FBXO24: variants seen among roughly 807,000 people sequenced by gnomAD.
The protein encoded by FBXO24 is F-box only protein 24.
FBXO24 carries 30 observed loss-of-function variants against 63.5 expected under a neutral mutation model. The ratio of observed to expected loss-of-function variants is 0.47; its 90% confidence interval spans 0.35 to 0.64. The LOEUF (loss-of-function observed/expected upper bound fraction) is 0.64. Ranked by LOEUF, FBXO24 falls within the 30% of genes least tolerant of loss-of-function variation. FBXO24 has a pLI of 0.00. For synonymous variants in FBXO24, 300 were observed against 305.0 expected, an observed-to-expected ratio of 0.98 and a Z score of 0.17; for missense variants, 624 against 763.4, an observed-to-expected ratio of 0.82 and a Z score of 2.15.
At position 100,599,979 on chromosome 7, in the gene FBXO24, C is replaced by T. The variant is rs146122350; in HGVS notation, c.1207-52C>T. The T allele has an allele frequency of 1.8e-4, 259 of 1,458,426 alleles. 3 individuals are homozygous for T. In the East Asian group the frequency reaches 3.3e-3, roughly 19 times the overall value. The allele number at this position is 1,458,426 out of a possible 1,614,324, so 90.3% of individuals were successfully genotyped here. Reference sequence around the variant, plus strand: ...CCAGTCAACCTTTTCCCACCCCAGCCCCCCCGTCCCTTGGTGCTCCCTGCT... The same window carrying T: ...CCAGTCAACCTTTTCCCACCCCAGCTCCCCCGTCCCTTGGTGCTCCCTGCT... On this transcript the variant is annotated intron_variant, in intron 8 of 9. Transcript: ENST00000241071.
In FBXO24 at chr7:100,594,308, C is replaced by G. The variant is rs1329061692; in HGVS notation, c.794-75C>G. Reference sequence around the variant, plus strand: ...GCAGTAAATGTGTCACCCATATGGCCTAGGGAGTCTCTTGGGATGTTTATG... The same window carrying G: ...GCAGTAAATGTGTCACCCATATGGCGTAGGGAGTCTCTTGGGATGTTTATG... On this transcript the variant is annotated intron_variant, in intron 5 of 9. Coordinates refer to ENST00000241071, the MANE Select transcript of FBXO24 (RefSeq NM_033506.3). The surrounding 1 kb of genome is among the most constrained non-coding windows in gnomAD (Gnocchi z 4.2). 1.3e-6 allele frequency: 2 copies of G among 1,554,708 alleles called. No homozygotes were observed. The highest frequency in any genetic ancestry group is 1.8e-6 in the Non-Finnish European group (2 of 1,140,240).
Position 100,586,356 on chromosome 7 carries a change from G to A in FBXO24, c.-270G>A, listed in dbSNP as rs1261381268. On this transcript the variant is annotated 5_prime_UTR_variant, in exon 1 of 10. Coordinates refer to ENST00000241071, the MANE Select transcript of FBXO24 (RefSeq NM_033506.3). The stretch of plus-strand genomic sequence containing the variant: ...GCGCTCGCCAACGGCCGACGCTCCA[G>A]GCCGTCCCGCCCAGCGCAGCTGCAC... 1.6e-6 allele frequency: 1 copy of A among 640,392 alleles called. No homozygotes were observed. Among genetic ancestry groups the A allele is most frequent in the Non-Finnish European group, 2.7e-6 (1 of 373,544 alleles). The allele number at this position is 640,392 out of a possible 1,614,324, so 39.7% of individuals were successfully genotyped here.
chr7:100,595,672 C>T lies in FBXO24; in HGVS notation c.1172C>T (p.Thr391Ile). The change falls in exon 8 of 10, where the codon ACA (threonine) becomes ATA (isoleucine). Residue 391 changes from threonine to isoleucine, a missense_variant. Thr to Ile is a moderately conservative substitution (Grantham distance 89). Around this residue, in one of 3 missense-constraint regions of FBXO24, gnomAD observed 17 missense variants for 49.0 expected, o/e 0.35. Coordinates refer to ENST00000241071, the MANE Select transcript of FBXO24 (RefSeq NM_033506.3). ...QGNNRYGQLG[T>I]GDKMDRGEPT... ...AATAACAGATACGGGCAGCTAGGAA[C>T]AGGGGACAAAATGGACCGAGGGGAA... 4 of 1,612,326 alleles carry T rather than the reference C, an allele frequency of 2.5e-6. No homozygotes were observed. Among genetic ancestry groups the T allele is most frequent in the South Asian group, 1.1e-5 (1 of 90,886 alleles).
At position 100,600,699 on chromosome 7, in the gene FBXO24, A is replaced by G; in HGVS notation, c.1543A>G (p.Met515Val). ...CAGAGCACCCCAGGACCCCGGGGGG[A>G]TGGCCCAGGCCTGCGAGGAGTACCT... ...GARAPQDPGG[M>V]AQACEEYLSQ... Residue 515 changes from methionine (M) to valine (V), a missense_variant, in exon 10 of 10, where the codon ATG becomes GTG. Physicochemically the swap from Met to Val is conservative, Grantham distance 21. Transcript: ENST00000241071. This position sits in a 1 kb window ranked among gnomAD's most constrained non-coding sequence, Gnocchi z 6.3. The G allele has an allele frequency of 6.2e-7, 1 of 1,614,032 alleles. No individual in the cohort carries two copies. Among genetic ancestry groups the G allele is most frequent in the Non-Finnish European group, 8.5e-7 (1 of 1,179,962 alleles).
chr7:100,587,520 C>T (rs188411120), intron 1 of FBXO24, among the ~76,000 whole-genome samples: 137 of 151,756 alleles, frequency 9.0e-4, no homozygotes, highest in Non-Finnish European at 1.7e-3. Context: ...CCAGGCTGGT[C>T]GCAAACTCAG....
intron 5 of FBXO24, among the ~76,000 whole-genome samples, chr7:100,593,797 C>CAAAA (rs900435798): frequency 3.5e-5 from 2 of 56,584 alleles, no homozygotes; most frequent in African/African-American, 6.1e-5. Context: ...ACTCCATCTC[C>CAAAA]AAAAAAAAAA....
In FBXO24 at chr7:100,601,085, G is replaced by A; in HGVS notation, c.*186G>A. On this transcript the variant is annotated 3_prime_UTR_variant, in exon 10 of 10. Transcript: ENST00000241071. ...CCCAACCTGACTATCATGGACAAGAGATTTGATGGATAGAATAAAAGGCTG... is the reference window on the plus strand; with the variant it reads ...CCCAACCTGACTATCATGGACAAGAAATTTGATGGATAGAATAAAAGGCTG... The A allele has an allele frequency of 2.1e-6, 1 of 485,896 alleles. No homozygotes were observed. Among genetic ancestry groups the A allele is most frequent in the Non-Finnish European group, 3.3e-6 (1 of 307,038 alleles). 30.1% of individuals were successfully genotyped at this position (485,896 alleles called of 1,614,324 possible).
rs755530244 is a variant in FBXO24, at chr7:100,591,752, C to T, written c.408C>T (p.Tyr136=). 1 of 1,614,228 alleles carries T rather than the reference C, an allele frequency of 6.2e-7. No individual in the cohort carries two copies. The highest frequency in any genetic ancestry group is 1.1e-5 in the South Asian group (1 of 91,090). ...KSVAPLLAHG[Y]RRFLPTKDHV... ...TGGCCCCCTTGCTAGCCCACGGCTA[C>T]CGCCGCTTCTTGCCCACCAAGGATC... is the stretch of plus-strand genomic sequence containing the variant. Residue 136 remains tyrosine (Y), a synonymous_variant, in exon 4 of 10, where the codon TAC becomes TAT. Coordinates refer to ENST00000241071, the MANE Select transcript of FBXO24 (RefSeq NM_033506.3).
At chr7:100,588,275 C>T (rs1167222378) in intron 1 of FBXO24, among the ~76,000 whole-genome samples, 1 of 152,180 alleles carries the variant, frequency 6.6e-6, no homozygotes. Context: ...TGGAAAATAC[C>T]TTTCTGTCTA....
Position 100,591,844 on chromosome 7 carries a change from G to T in FBXO24, c.500G>T (p.Gly167Val). ...FLKNALVSTL[G>V]QMQWKRACRY... ...AAAAATGCCCTGGTCTCCACCCTCG[G>T]CCAGATGCAGTGGAAGCGGGCCTGT... Residue 167 changes from glycine to valine, a missense_variant, in exon 4 of 10, where the codon GGC (glycine) becomes GTC (valine). Physicochemically the swap from Gly to Val is moderately radical, Grantham distance 109 (BLOSUM62 -3). This residue lies in a region of FBXO24 where 391 missense variants were observed against 469.1 expected (regional missense o/e 0.83). Coordinates refer to ENST00000241071, the MANE Select transcript of FBXO24 (RefSeq NM_033506.3). 1 of 1,614,210 alleles carries T rather than the reference G, an allele frequency of 6.2e-7. No homozygotes were observed. The highest frequency in any genetic ancestry group is 1.7e-5 in the Admixed American group (1 of 60,028).
In FBXO24 at chr7:100,599,435, G is replaced by A. The variant is rs546572995; in HGVS notation, c.1207-596G>A. On this transcript the variant is annotated intron_variant, in intron 8 of 9. Coordinates refer to ENST00000241071, the MANE Select transcript of FBXO24 (RefSeq NM_033506.3). ...CTAAAAATACAAAAATTAGATGGGT[G>A]TGGTGGCAAGGACCTGTAGTCCTAG... Among the ~76,000 whole-genome samples the A allele has an allele frequency of 1.9e-4, 29 of 152,086 alleles. No individual in the cohort carries two copies. In the South Asian group the frequency reaches 4.4e-3, roughly 23 times the overall value.
chr7:100,599,959 C>T, intron 8 of FBXO24, 72 bp from the exon 9 acceptor site: 2 of 1,505,548 alleles, frequency 1.3e-6, no homozygotes, highest in Non-Finnish European at 1.8e-6. Flanking sequence ...GCCTTCCAGT[C>T]AACCTTTTCC....
chr7:100,595,902 T>C (rs1802284074), intron 8 of FBXO24, among the ~76,000 whole-genome samples, 196 bp downstream of exon 8: 1 of 152,190 alleles, frequency 6.6e-6, no homozygotes, highest in Non-Finnish European at 1.5e-5. Context: ...TTCTGTGCAG[T>C]GCACACTGTA....
rs1802534479 is a variant in FBXO24, at chr7:100,600,371, C to G, written c.1378-163C>G. On this transcript the variant is annotated intron_variant, in intron 9 of 9. Coordinates refer to ENST00000241071, the MANE Select transcript of FBXO24 (RefSeq NM_033506.3). This position sits in a 1 kb window ranked among gnomAD's most constrained non-coding sequence, Gnocchi z 6.3. Reference sequence around the variant, plus strand: ...CCACGCTCTCTGCTTTCTCCCTTAGCAGACTGTGCTGGCCTTGCCCAACCT... The same window carrying G: ...CCACGCTCTCTGCTTTCTCCCTTAGGAGACTGTGCTGGCCTTGCCCAACCT... Among the ~76,000 whole-genome samples the G allele has an allele frequency of 6.6e-6, 1 of 152,188 alleles. No homozygotes were observed. The highest frequency in any genetic ancestry group is 1.5e-5 in the Non-Finnish European group (1 of 68,020).
At position 100,597,915 on chromosome 7, in the gene FBXO24, G is replaced by A. The variant is rs61423399; in HGVS notation, c.1207-2116G>A. On this transcript the variant is annotated intron_variant, in intron 8 of 9. Coordinates refer to ENST00000241071, the MANE Select transcript of FBXO24 (RefSeq NM_033506.3). ...TTTGTTTTTTTTTTTTTTAGAGACA[G>A]GGTCTTGCTATGTTGCCCAAGCTTA... Among the ~76,000 whole-genome samples, 793 of 147,204 alleles carry A rather than the reference G, an allele frequency of 5.4e-3. 10 individuals are homozygous for A. Among genetic ancestry groups the A allele is most frequent in the African/African-American group, 0.019 (744 of 40,186 alleles).
intron 8 of FBXO24, 62 bp from the exon 9 acceptor site, chr7:100,599,969 C>A: frequency 1.4e-6 from 2 of 1,453,658 alleles, no homozygotes; most frequent in Non-Finnish European, 1.9e-6. Flanking sequence ...CAACCTTTTC[C>A]CACCCCAGCC....
intron 1 of FBXO24, among the ~76,000 whole-genome samples, chr7:100,588,169 A>G (rs1484201909): frequency 6.6e-6 from 1 of 151,624 alleles, no homozygotes; most frequent in Admixed American, 6.6e-5. Context: ...GTGAGCCACA[A>G]AGCCTGGCCC....
chr7:100,599,817 G>C, intron 8 of FBXO24: 1 of 571,824 alleles, frequency 1.7e-6, no homozygotes, highest in East Asian at 3.1e-5. Context: ...GGGCATAGAT[G>C]AGATACCAAC....
chr7:100,586,488 G>GCA lies in FBXO24; in HGVS notation c.-138_-137insCA, dbSNP rs1801758363. ...AAACGGGCCGAGGGACCGCAAGCAG[G>GCA]GGGTGCCTAGTCCTCGTCCCCCAAA... On this transcript the variant is annotated 5_prime_UTR_variant, in exon 1 of 10. The change abolishes the stop of an existing upstream ORF in the 5' untranslated region. Coordinates refer to ENST00000241071, the MANE Select transcript of FBXO24 (RefSeq NM_033506.3). 1.3e-5 allele frequency: 11 copies of GCA among 873,704 alleles called. No individual in the cohort carries two copies. The highest frequency in any genetic ancestry group is 1.9e-6 in the Non-Finnish European group (1 of 537,278). 54.1% of individuals were successfully genotyped at this position (873,704 alleles called of 1,614,324 possible).
Sources: allele counts gnomAD v4.1 joint callset (sites outside exome capture counted in the v4.1 genomes callset), GRCh38; gene constraint gnomAD v4.1.1; regional missense constraint gnomAD v4.1.1; non-coding constraint Gnocchi (gnomAD v3.1); transcripts MANE v1.5; gene names NCBI Gene and HGNC (gene_info 2026-07-23, HGNC 2026-07-21).